Variants in CCDC102B observed in about 807,000 individuals in gnomAD.
The protein encoded by CCDC102B is coiled-coil domain-containing protein 102B.
CCDC102B carries 75 observed loss-of-function variants against 57.4 expected under a neutral mutation model. The ratio of observed to expected loss-of-function variants is 1.31; its 90% CI spans 1.08 to 1.58. The LOEUF (loss-of-function observed/expected upper bound fraction) is 1.58. Among genes scored for constraint, CCDC102B ranks in the 40% most tolerant of loss-of-function variants. The pLI is 0.00. For synonymous variants in CCDC102B, 206 were observed against 201.9 expected, an observed-to-expected ratio of 1.02 and a Z score of -0.17; for missense variants, 636 against 582.6, an observed-to-expected ratio of 1.09 and a Z score of -0.94.
chr18:68,917,302 C>A (rs2041108127), intron 6 of CCDC102B, among the ~76,000 whole-genome samples: 1 of 151,980 alleles, frequency 6.6e-6, no homozygotes, highest in African/African-American at 2.4e-5. Context: ...AGCCACAGTA[C>A]CCTGGGTTGG....
chr18:68,985,907 G>A (rs2050710683), intron 6 of CCDC102B, among the ~76,000 whole-genome samples: 1 of 152,122 alleles, frequency 6.6e-6, no homozygotes, highest in East Asian at 1.9e-4. Flanking sequence ...CATCAACACA[G>A]GAATTAAGAT....
intron 6 of CCDC102B, among the ~76,000 whole-genome samples, chr18:68,978,694 C>T (rs183502318): frequency 6.6e-6 from 1 of 151,990 alleles, no homozygotes; most frequent in East Asian, 1.9e-4. Context: ...TACAATAAAA[C>T]CTTGAAGTAG....
chr18:68,936,495 T>A (rs984643878), intron 6 of CCDC102B, among the ~76,000 whole-genome samples: 3 of 151,996 alleles, frequency 2.0e-5, no homozygotes, highest in Admixed American at 6.6e-5. Context: ...GGAGTCTTAG[T>A]TTTCTACTTT....
rs2035827834 is a variant in CCDC102B at position 68,800,956 on chromosome 18, CTTCTTCTTTTTT to C, written c.-16+2779_-16+2790del. ...TAGTATCTGGGATAACATTCATTTT[CTTCTTCTTTTTT>C]TTCAATGAAATAAAAATTATAGCTT... is the stretch of plus-strand genomic sequence containing the variant. On this transcript the variant is annotated intron_variant, in intron 1 of 7. Transcript: ENST00000360242. Among the ~76,000 whole-genome samples the C allele has an allele frequency of 3.9e-5, 6 of 151,908 alleles. No individual in the cohort carries two copies. In the South Asian group the frequency reaches 1.2e-3, roughly 32 times the overall value.
At chr18:68,883,255 CA>C (rs1366386527) in intron 5 of CCDC102B, among the ~76,000 whole-genome samples, 2 of 151,618 alleles carry the variant, frequency 1.3e-5, no homozygotes, top group Admixed American at 6.6e-5. Context: ...AAAAAAAATA[CA>C]AAAAAATTGC....
chr18:68,761,646 A>C (rs765075211), intron 2 of CCDC102B, among the ~76,000 whole-genome samples: 1 of 152,028 alleles, frequency 6.6e-6, no homozygotes, highest in Non-Finnish European at 1.5e-5. Flanking sequence ...TTGTGCTTTA[A>C]CATCTATTTT....
intron 2 of CCDC102B, among the ~76,000 whole-genome samples, chr18:68,718,876 C>A (rs2032172995): frequency 6.6e-6 from 1 of 152,098 alleles, no homozygotes. Context: ...AATACCATTT[C>A]TTTTTAAATC....
At chr18:68,982,245 A>T (rs1016407276) in intron 6 of CCDC102B, among the ~76,000 whole-genome samples, 3 of 151,948 alleles carry the variant, frequency 2.0e-5, no homozygotes, top group African/African-American at 7.2e-5. Context: ...GTGTAAAAAA[A>T]ACAATGAAGT....
intron 4 of CCDC102B, among the ~76,000 whole-genome samples, chr18:68,861,379 T>A (rs1171076852): frequency 6.6e-6 from 1 of 152,172 alleles, no homozygotes; most frequent in East Asian, 1.9e-4. Context: ...CTTGTCATTA[T>A]GAATTTTACC....
intron 7 of CCDC102B, among the ~76,000 whole-genome samples, chr18:69,036,429 G>A (rs2052293755): frequency 6.6e-6 from 1 of 152,046 alleles, no homozygotes; most frequent in Non-Finnish European, 1.5e-5. Flanking sequence ...TACCAGAGTA[G>A]CAATAGGAAC....
intron 5 of CCDC102B, among the ~76,000 whole-genome samples, chr18:68,892,779 T>C (rs1296627297): frequency 6.6e-6 from 1 of 152,200 alleles, no homozygotes; most frequent in Non-Finnish European, 1.5e-5. Flanking sequence ...TTCAATGTAA[T>C]TTAAGACTGA....
intron 7 of CCDC102B, among the ~76,000 whole-genome samples, chr18:69,017,448 C>T (rs1339354365): frequency 6.6e-6 from 1 of 151,998 alleles, no homozygotes; most frequent in Non-Finnish European, 1.5e-5. Flanking sequence ...TCGTGGAACT[C>T]TTTTTAAAAA....
At chr18:68,768,157 T>A (rs973347252) in intron 2 of CCDC102B, among the ~76,000 whole-genome samples, 4 of 152,166 alleles carry the variant, frequency 2.6e-5, no homozygotes, top group Non-Finnish European at 4.4e-5. Context: ...AGAGAAGAAC[T>A]TTAAAGAATA....
At chr18:68,858,199 T>A (rs1428820758) in intron 4 of CCDC102B, among the ~76,000 whole-genome samples, 8 of 152,224 alleles carry the variant, frequency 5.3e-5, no homozygotes, top group Non-Finnish European at 1.2e-4. Flanking sequence ...TTTCTAGAAT[T>A]GTATAAAAAT....
At chr18:69,013,028 A>C (rs1318829766) in intron 7 of CCDC102B, among the ~76,000 whole-genome samples, 1 of 149,476 alleles carries the variant, frequency 6.7e-6, no homozygotes, top group Non-Finnish European at 1.5e-5. Flanking sequence ...ATATCTACCT[A>C]AAGGAAAAAA....
upstream of CCDC102B, among the ~76,000 whole-genome samples, chr18:68,796,498 T>C (rs983862681): frequency 5.9e-5 from 9 of 152,032 alleles, no homozygotes; most frequent in Admixed American, 4.6e-4. Flanking sequence ...AGTCATTGGG[T>C]CTAAAAGTAG....
chr18:68,778,570 A>C (rs1055245302), intron 2 of CCDC102B, among the ~76,000 whole-genome samples: 4 of 152,232 alleles, frequency 2.6e-5, no homozygotes, highest in African/African-American at 9.6e-5. Context: ...ACAAAGACTA[A>C]GTCACAGTGA....
At chr18:68,732,503 C>A (rs1241581786) in intron 2 of CCDC102B, among the ~76,000 whole-genome samples, 1 of 151,958 alleles carries the variant, frequency 6.6e-6, no homozygotes, top group Non-Finnish European at 1.5e-5. Context: ...CACCATCATG[C>A]TCAGCTAATT....
chr18:68,905,328 A>C (rs1012356442), intron 6 of CCDC102B, among the ~76,000 whole-genome samples: 12 of 84,198 alleles, frequency 1.4e-4, no homozygotes, highest in African/African-American at 5.0e-4. Flanking sequence ...TTACAAAATA[A>C]TGAGATAAAT....
Sources: allele counts gnomAD v4.1 joint callset (sites outside exome capture counted in the v4.1 genomes callset), GRCh38; gene constraint gnomAD v4.1.1; transcripts MANE v1.5; gene names NCBI Gene and HGNC (gene_info 2026-07-23, HGNC 2026-07-21).